The following CSGALNACT2 variants were observed in gnomAD, a reference collection of about 807,000 sequenced individuals.
The protein encoded by CSGALNACT2 is beta 4 GalNAcT-2.
A neutral mutation model predicts 55.3 loss-of-function variants in CSGALNACT2; 35 were observed. That is an observed-to-expected ratio of 0.63 (90% CI 0.48 to 0.84). CSGALNACT2 has a LOEUF of 0.84. CSGALNACT2 is among the 40% of genes least tolerant of loss of function. The pLI is 0.00. For missense variants in CSGALNACT2, 544 were observed against 657.5 expected (o/e 0.83, Z 1.89); for synonymous variants, 196 against 224.9 (o/e 0.87, Z 1.15).
intron 6 of CSGALNACT2, among the ~76,000 whole-genome samples, chr10:43,175,517 G>T (rs919741420): frequency 9.2e-5 from 14 of 152,060 alleles, no homozygotes; most frequent in Non-Finnish European, 1.6e-4. Flanking sequence ...GGCCCACTCC[G>T]AATCTACTGG....
At chr10:43,151,171 AT>A (rs1411951570) in intron 1 of CSGALNACT2, among the ~76,000 whole-genome samples, 1 of 151,980 alleles carries the variant, frequency 6.6e-6, no homozygotes, top group Non-Finnish European at 1.5e-5. Context: ...AGTTCTAATC[AT>A]TGGTCAGTTT....
rs116694433 is a variant in CSGALNACT2, at chr10:43,175,951, G to T, written c.1255G>T (p.Val419Phe). The T allele has an allele frequency of 1.3e-5, 20 of 1,588,060 alleles. No homozygotes were observed. The highest frequency in any genetic ancestry group is 9.2e-5 in the Admixed American group (5 of 54,512). ...EVPPPVEQQL[V>F]HKKDSGFWRD... Reference sequence around the variant, plus strand: ...TTCTGTTTTTTTTTTTTTAACTAAGGTTCACAAAAAGGATTCTGGCTTTTG... The same window carrying T: ...TTCTGTTTTTTTTTTTTTAACTAAGTTTCACAAAAAGGATTCTGGCTTTTG... Residue 419 changes from valine to phenylalanine, a missense_variant and splice_region_variant, in exon 7 of 8, where the codon GTT (valine) becomes TTT (phenylalanine). By Grantham distance (50) the Val-to-Phe change is conservative (BLOSUM62 -1). This residue lies in a region of CSGALNACT2 where 170 missense variants were observed against 256.2 expected (regional missense o/e 0.66). Coordinates refer to ENST00000374466, the MANE Select transcript of CSGALNACT2 (RefSeq NM_018590.5).
chr10:43,176,178 C>A (rs1014235770), intron 7 of CSGALNACT2, 146 bp downstream of exon 7: 60 of 508,012 alleles, frequency 1.2e-4, no homozygotes, highest in South Asian at 3.9e-4. Context: ...ATACAAAAGG[C>A]AAAATAAGTT....
At chr10:43,158,998 C>T in intron 3 of CSGALNACT2, 67 bp downstream of exon 3, 1 of 859,032 alleles carries the variant, frequency 1.2e-6, no homozygotes, top group Non-Finnish European at 1.9e-6. Flanking sequence ...CTCAGATTTC[C>T]TTAATTTATC....
At position 43,183,510 on chromosome 10, in the gene CSGALNACT2, G is replaced by A. The variant is rs373352099; in HGVS notation, c.1597G>A (p.Ala533Thr). The A allele has an allele frequency of 2.2e-5, 35 of 1,613,976 alleles. No individual in the cohort carries two copies. In the Admixed American group the frequency reaches 5.7e-4, roughly 26 times the overall value. ...AATAGAGACGCATCTTCATAAACAG[G>A]CATACAGGACAAACAGTGAAGCTGT... Reference protein sequence around the residue: ...EEIETHLHKQAYRTNSEAVG With the variant: ...EEIETHLHKQTYRTNSEAVG The change falls in exon 8 of 8, where the codon GCA becomes ACA. Residue 533 changes from alanine to threonine, a missense_variant. Physicochemically the swap from Ala to Thr is moderately conservative, Grantham distance 58 (BLOSUM62 0). This residue lies in a region of CSGALNACT2 where 170 missense variants were observed against 256.2 expected (regional missense o/e 0.66). Transcript: ENST00000374466.
At chr10:43,178,489 C>T (rs1308967684) in intron 7 of CSGALNACT2, among the ~76,000 whole-genome samples, 3 of 151,898 alleles carry the variant, frequency 2.0e-5, no homozygotes. Flanking sequence ...GGCGTGGTGG[C>T]AGGCGCCTGT....
rs1839318005 is a variant in CSGALNACT2 at position 43,168,631 on chromosome 10, GCCA to G, written c.1254+1537_1254+1539del. Among the ~76,000 whole-genome samples the G allele has an allele frequency of 4.6e-5, 7 of 151,134 alleles. No homozygotes were observed. The South Asian group carries it at 1.5e-3, about 32-fold the overall frequency. On this transcript the variant is annotated intron_variant, in intron 6 of 7. Coordinates refer to ENST00000374466, the MANE Select transcript of CSGALNACT2 (RefSeq NM_018590.5). ...TGATGTACTTAACATATTTTATGAG[GCCA>G]CCATTATCTTCATATCAACACTTGG...
intron 7 of CSGALNACT2, among the ~76,000 whole-genome samples, chr10:43,176,401 T>C (rs374100763): frequency 4.6e-5 from 7 of 152,090 alleles, no homozygotes; most frequent in African/African-American, 1.4e-4. Context: ...CTTGGTTATC[T>C]AGACCAAGGA....
chr10:43,140,100 G>A (rs1449035113), intron 1 of CSGALNACT2, among the ~76,000 whole-genome samples: 2 of 152,258 alleles, frequency 1.3e-5, no homozygotes, highest in South Asian at 2.1e-4. Flanking sequence ...AGGCTGAGGC[G>A]GGAGGTGGAG....
chr10:43,181,176 C>T (rs533774901), intron 7 of CSGALNACT2, among the ~76,000 whole-genome samples: 136 of 152,300 alleles, frequency 8.9e-4, no homozygotes, highest in African/African-American at 3.1e-3. Context: ...ACTTACCTCC[C>T]CTGAGCCTCC....
At chr10:43,149,532 G>A (rs1052994334) in intron 1 of CSGALNACT2, among the ~76,000 whole-genome samples, 10 of 152,284 alleles carry the variant, frequency 6.6e-5, no homozygotes, top group Admixed American at 6.5e-4. Flanking sequence ...CAACCTTGCA[G>A]TCCTGGGATA....
rs754268085 is a variant in CSGALNACT2, at chr10:43,155,158, A to G, written c.9A>G (p.Arg3=). The change falls in exon 2 of 8, where the codon AGA becomes AGG. Residue 3 remains arginine, a synonymous_variant. Transcript: ENST00000374466. MP[R]RGLILHTRTH... is the part of the protein sequence containing the mutation. Reference sequence around the variant, plus strand: ...AATACACATTAATAAGAATGCCTAGAAGAGGACTGATTCTTCACACCCGGA... The same window carrying G: ...AATACACATTAATAAGAATGCCTAGGAGAGGACTGATTCTTCACACCCGGA... The G allele has an allele frequency of 1.9e-6, 3 of 1,612,970 alleles. No individual in the cohort carries two copies. The highest frequency in any genetic ancestry group is 1.7e-6 in the Non-Finnish European group (2 of 1,179,126).
At chr10:43,154,437 T>A (rs1838949265) in intron 1 of CSGALNACT2, among the ~76,000 whole-genome samples, 2 of 152,188 alleles carry the variant, frequency 1.3e-5, no homozygotes, top group Non-Finnish European at 2.9e-5. Context: ...TAAGGTATTT[T>A]AAAAAATTCT....
chr10:43,166,975 A>G (rs1249263174), intron 5 of CSGALNACT2, 29 bp from the exon 6 acceptor site: 3 of 1,374,780 alleles, frequency 2.2e-6, no homozygotes, highest in South Asian at 2.4e-5. Flanking sequence ...ACTTCTTTTT[A>G]TGTTACAAAC....
chr10:43,182,292 G>A (rs1270477963), intron 7 of CSGALNACT2, among the ~76,000 whole-genome samples: 3 of 152,078 alleles, frequency 2.0e-5, no homozygotes, highest in Non-Finnish European at 4.4e-5. Flanking sequence ...CTTTCTTCAC[G>A]TGGCTACTAC....
chr10:43,158,407 A>C (rs1839065414), intron 2 of CSGALNACT2, among the ~76,000 whole-genome samples: 1 of 152,146 alleles, frequency 6.6e-6, no homozygotes, highest in African/African-American at 2.4e-5. Flanking sequence ...TAATTTCTTT[A>C]TTTATCATGA....
At chr10:43,156,913 G>A (rs866517181) in intron 2 of CSGALNACT2, among the ~76,000 whole-genome samples, 2 of 152,184 alleles carry the variant, frequency 1.3e-5, no homozygotes, top group Non-Finnish European at 2.9e-5. Context: ...GGGACCCCTC[G>A]TATAGCACAT....
intron 1 of CSGALNACT2, among the ~76,000 whole-genome samples, chr10:43,149,479 A>G (rs1463786111): frequency 2.0e-5 from 3 of 152,174 alleles, no homozygotes; most frequent in Admixed American, 1.3e-4. Flanking sequence ...TTTGTCTTCT[A>G]TTGATATGGT....
chr10:43,164,998 C>T (rs950364585), intron 5 of CSGALNACT2, among the ~76,000 whole-genome samples: 11 of 150,356 alleles, frequency 7.3e-5, no homozygotes, highest in South Asian at 2.1e-4. Context: ...CCGAGGCGGG[C>T]GGATCACGAG....
Sources: allele counts gnomAD v4.1 joint callset (sites outside exome capture counted in the v4.1 genomes callset), GRCh38; gene constraint gnomAD v4.1.1; regional missense constraint gnomAD v4.1.1; transcripts MANE v1.5; gene names NCBI Gene and HGNC (gene_info 2026-07-23, HGNC 2026-07-21).